ASCC1: variants seen among roughly 807,000 people sequenced by gnomAD.
ASCC1 encodes the protein ASC-1 complex subunit P50.
Under a neutral mutation model 46.6 loss-of-function variants are expected in ASCC1, and 35 were observed. That is an observed-to-expected ratio of 0.75 (90% CI 0.57 to 0.99). The LOEUF (loss-of-function observed/expected upper bound fraction) is 0.99, where lower values mean the gene tolerates loss of function less well. Ranked by LOEUF, ASCC1 falls within the 50% of genes least tolerant of loss-of-function variation. ASCC1 has a pLI of 0.00. For missense variants in ASCC1, 376 were observed against 428.7 expected (o/e 0.88, Z 1.09); for synonymous variants, 143 against 146.6 (o/e 0.98, Z 0.18).
intron 9 of ASCC1, among the ~76,000 whole-genome samples, chr10:72,118,228 G>C (rs1008617699): frequency 6.6e-6 from 1 of 151,868 alleles, no homozygotes; most frequent in African/African-American, 2.4e-5. Context: ...CTAGTCGGGG[G>C]TGGTGGCACA....
At chr10:72,113,032 G>A (rs944688297) in intron 9 of ASCC1, among the ~76,000 whole-genome samples, 26 of 152,026 alleles carry the variant, frequency 1.7e-4, no homozygotes, top group African/African-American at 4.8e-4. Context: ...CAGACATCCC[G>A]TTCAAAGAGT....
intron 5 of ASCC1, among the ~76,000 whole-genome samples, chr10:72,165,097 GA>G (rs1564679733): frequency 1.3e-5 from 2 of 149,698 alleles, no homozygotes; most frequent in Admixed American, 1.3e-4. Context: ...ATGAAAACAA[GA>G]AAAAAAAAGT....
Position 72,128,147 on chromosome 10 carries a change from A to G in ASCC1, c.892T>C (p.Tyr298His), listed in dbSNP as rs761411830. Reference sequence around the variant, plus strand: ...AAGATATATTTGCCTTCCGCTGTGTAGAGATTGTACCTGCCTTCAGCTGTA... The same window carrying G: ...AAGATATATTTGCCTTCCGCTGTGTGGAGATTGTACCTGCCTTCAGCTGTA... Reference protein sequence around the residue: ...DPNAEGRYNLYTAEGKYIFKE... With the variant: ...DPNAEGRYNLHTAEGKYIFKE... The change falls in exon 9 of 10, where the codon TAC (tyrosine) becomes CAC (histidine). Residue 298 changes from tyrosine (Y) to histidine (H), a missense_variant. Transcript: ENST00000672957. 4.3e-6 allele frequency: 7 copies of G among 1,613,550 alleles called. No individual in the cohort carries two copies. Among genetic ancestry groups the G allele is most frequent in the Non-Finnish European group, 5.9e-6 (7 of 1,179,660 alleles).
At chr10:72,103,134 T>C (rs934190227) in intron 9 of ASCC1, among the ~76,000 whole-genome samples, 4 of 151,836 alleles carry the variant, frequency 2.6e-5, no homozygotes, top group Non-Finnish European at 5.9e-5. Flanking sequence ...ACTATGTTTT[T>C]TTTTCCTTTT....
At chr10:72,141,570 A>G (rs771560663) in intron 7 of ASCC1, among the ~76,000 whole-genome samples, 65 of 152,326 alleles carry the variant, frequency 4.3e-4, no homozygotes, top group Non-Finnish European at 8.2e-4. Flanking sequence ...TAAAAGGCGA[A>G]TATGCTCTCT....
intron 9 of ASCC1, among the ~76,000 whole-genome samples, chr10:72,104,057 C>T (rs1842086154): frequency 6.6e-6 from 1 of 152,104 alleles, no homozygotes; most frequent in Non-Finnish European, 1.5e-5. Flanking sequence ...CAGCCATGAA[C>T]CTAGTGATGG....
chr10:72,213,058 G>A, intron 2 of ASCC1, 129 bp downstream of exon 2: 1 of 690,196 alleles, frequency 1.4e-6, no homozygotes, highest in Non-Finnish European at 2.7e-6. Context: ...AACATAAATG[G>A]AGCTATATGA....
At chr10:72,179,951 A>G (rs1457060036) in intron 5 of ASCC1, among the ~76,000 whole-genome samples, 1 of 152,206 alleles carries the variant, frequency 6.6e-6, no homozygotes, top group Non-Finnish European at 1.5e-5. Flanking sequence ...TTAAAAAAAC[A>G]TAAAAATACT....
intron 9 of ASCC1, among the ~76,000 whole-genome samples, chr10:72,119,417 A>C (rs910082411): frequency 3.9e-5 from 6 of 152,172 alleles, no homozygotes; most frequent in African/African-American, 1.4e-4. Flanking sequence ...TGGGGAAGAG[A>C]AATATCCAGC....
chr10:72,177,058 G>C (rs1589474771), intron 5 of ASCC1, among the ~76,000 whole-genome samples: 1 of 152,026 alleles, frequency 6.6e-6, no homozygotes, highest in South Asian at 2.1e-4. Flanking sequence ...CTTAAGAGTA[G>C]AGTCCATTGT....
At chr10:72,210,914 G>T in intron 2 of ASCC1, 83 bp from the exon 3 acceptor site, 1 of 1,346,076 alleles carries the variant, frequency 7.4e-7, no homozygotes. Flanking sequence ...AACCGCTGTT[G>T]AGGTTTAAAA....
chr10:72,185,753 T>C (rs1853362920), intron 5 of ASCC1, among the ~76,000 whole-genome samples: 2 of 152,194 alleles, frequency 1.3e-5, no homozygotes, highest in Admixed American at 1.3e-4. Flanking sequence ...CACTGGTGTA[T>C]ACCTTCATCA....
chr10:72,192,683 C>A (rs1232519323), intron 5 of ASCC1, among the ~76,000 whole-genome samples: 1 of 151,952 alleles, frequency 6.6e-6, no homozygotes, highest in African/African-American at 2.4e-5. Context: ...TAGTAGAGAT[C>A]GGATTTCACC....
At chr10:72,147,768 A>G (rs1269574057) in intron 7 of ASCC1, among the ~76,000 whole-genome samples, 3 of 152,178 alleles carry the variant, frequency 2.0e-5, no homozygotes, top group African/African-American at 7.2e-5. Flanking sequence ...TGTTACGAAG[A>G]CTAAATGGAA....
At chr10:72,158,355 C>G (rs912278799) in intron 6 of ASCC1, among the ~76,000 whole-genome samples, 7 of 152,140 alleles carry the variant, frequency 4.6e-5, no homozygotes, top group African/African-American at 1.4e-4. Context: ...GACGTCAGGC[C>G]TGCTGGAAAC....
chr10:72,147,451 C>G (rs996109068), intron 7 of ASCC1, among the ~76,000 whole-genome samples: 3 of 152,136 alleles, frequency 2.0e-5, no homozygotes, highest in Non-Finnish European at 4.4e-5. Context: ...CAAGGTTTCG[C>G]CATGTTGGCC....
At chr10:72,132,954 G>T in intron 8 of ASCC1, 103 bp downstream of exon 8, 1 of 1,466,844 alleles carries the variant, frequency 6.8e-7, no homozygotes, top group Non-Finnish European at 9.5e-7. Flanking sequence ...GTCTAAAAAA[G>T]AAGCTATATC....
rs117043118 is a variant in ASCC1, at chr10:72,154,385, T to G, written c.627-1397A>C. On this transcript the variant is annotated intron_variant, in intron 6 of 9. Coordinates refer to ENST00000672957, the MANE Select transcript of ASCC1 (RefSeq NM_001198800.3). ...TCATGATGACCACACCTGAACCCAC[T>G]GACCAAGCTGAATATTAACAGTAAA... 9.5e-3 allele frequency among the ~76,000 whole-genome samples: 1,451 copies of G among 152,160 alleles called. 11 individuals are homozygous for G. Among genetic ancestry groups the G allele is most frequent in the South Asian group, 0.019 (91 of 4,822 alleles).
At chr10:72,143,650 T>G (rs1405065811) in intron 7 of ASCC1, among the ~76,000 whole-genome samples, 1 of 148,962 alleles carries the variant, frequency 6.7e-6, no homozygotes, top group Admixed American at 6.8e-5. Flanking sequence ...TTTCTACTGT[T>G]CCATGTGCCT....
Sources: allele counts gnomAD v4.1 joint callset (sites outside exome capture counted in the v4.1 genomes callset), GRCh38; gene constraint gnomAD v4.1.1; transcripts MANE v1.5; gene names NCBI Gene and HGNC (gene_info 2026-07-23, HGNC 2026-07-21).